Variants in PRKCE observed in about 807,000 individuals in gnomAD.
The protein encoded by PRKCE is protein kinase C epsilon.
In PRKCE, 16 loss-of-function variants were observed where a neutral mutation model predicts 85.4. That is an observed-to-expected ratio of 0.19 (90% CI 0.13 to 0.28). The LOEUF is 0.28. PRKCE is among the 10% of genes least tolerant of loss of function. PRKCE has a pLI of 1.00. For missense variants in PRKCE, 573 were observed against 975.2 expected, an observed-to-expected ratio of 0.59 and a Z score of 5.49; for synonymous variants, 388 against 371.5, an observed-to-expected ratio of 1.04 and a Z score of -0.51.
intron 10 of PRKCE, 157 bp downstream of exon 10, chr2:46,010,674 T>C (rs776265829): frequency 6.3e-7 from 1 of 1,598,726 alleles, no homozygotes; most frequent in Non-Finnish European, 8.5e-7. Context: ...AACAGCATCT[T>C]CTTTTTTAGG....
intron 1 of PRKCE, among the ~76,000 whole-genome samples, chr2:45,678,922 G>A (rs542270692): frequency 3.3e-4 from 50 of 152,230 alleles, no homozygotes; most frequent in Non-Finnish European, 5.9e-4. Flanking sequence ...AGGCCTAGAC[G>A]AGTGGAAGGT....
intron 1 of PRKCE, among the ~76,000 whole-genome samples, chr2:45,825,485 T>A (rs4953264): frequency 3.3e-5 from 5 of 152,092 alleles, no homozygotes; most frequent in African/African-American, 1.2e-4. Context: ...ATTAGTTCAG[T>A]TTTCCTACTT....
At chr2:46,109,672 C>T (rs922766998) in intron 11 of PRKCE, among the ~76,000 whole-genome samples, 2 of 152,056 alleles carry the variant, frequency 1.3e-5, no homozygotes, top group Non-Finnish European at 2.9e-5. Flanking sequence ...TTAATTCCTT[C>T]CTAATCTGCA....
intron 10 of PRKCE, among the ~76,000 whole-genome samples, chr2:46,061,104 CTTTTTT>C (rs565280374): frequency 4.8e-5 from 5 of 103,492 alleles, no homozygotes; most frequent in Non-Finnish European, 5.7e-5. Flanking sequence ...CTTTTTTTTC[CTTTTTT>C]TTTTTTTTTT....
At chr2:46,120,563 G>T (rs1673210445) in intron 11 of PRKCE, among the ~76,000 whole-genome samples, 1 of 152,154 alleles carries the variant, frequency 6.6e-6, no homozygotes, top group Non-Finnish European at 1.5e-5. Context: ...GATTTATACA[G>T]ATTTTGCCAT....
intron 11 of PRKCE, among the ~76,000 whole-genome samples, chr2:46,101,429 G>A (rs547811802): frequency 5.9e-5 from 9 of 152,210 alleles, no homozygotes; most frequent in Non-Finnish European, 1.3e-4. Flanking sequence ...AGAGGACATG[G>A]AAGAGTGGCC....
At chr2:46,121,328 C>A (rs1673292911) in intron 11 of PRKCE, among the ~76,000 whole-genome samples, 1 of 152,088 alleles carries the variant, frequency 6.6e-6, no homozygotes, top group Non-Finnish European at 1.5e-5. Context: ...TTGTTTATGG[C>A]CTCTTGGGGC....
At chr2:45,994,399 A>G (rs2104675100) in intron 6 of PRKCE, among the ~76,000 whole-genome samples, 1 of 152,332 alleles carries the variant, frequency 6.6e-6, no homozygotes, top group African/African-American at 2.4e-5. Flanking sequence ...AGTATCTTAC[A>G]GAATAGTTTT....
At chr2:46,045,677 G>A (rs1361612644) in intron 10 of PRKCE, among the ~76,000 whole-genome samples, 7 of 152,308 alleles carry the variant, frequency 4.6e-5, no homozygotes, top group South Asian at 4.1e-4. Context: ...TCAGGAGTTC[G>A]CAACCAGCCT....
intron 10 of PRKCE, among the ~76,000 whole-genome samples, chr2:46,042,704 C>T (rs1209146050): frequency 1.3e-5 from 2 of 152,208 alleles, no homozygotes; most frequent in Non-Finnish European, 2.9e-5. Context: ...GAGGCTTCTT[C>T]CATGTTACAA....
chr2:45,654,741 G>A (rs68115816), intron 1 of PRKCE, among the ~76,000 whole-genome samples: 2 of 152,104 alleles, frequency 1.3e-5, no homozygotes, highest in Non-Finnish European at 2.9e-5. Context: ...AGTGGAGCAG[G>A]TTCAGAATGC....
chr2:45,840,916 G>A (rs1691294467), intron 1 of PRKCE, among the ~76,000 whole-genome samples: 1 of 152,142 alleles, frequency 6.6e-6, no homozygotes, highest in Non-Finnish European at 1.5e-5. Flanking sequence ...TGTCATTTTA[G>A]TAGAGATGAC....
intron 1 of PRKCE, among the ~76,000 whole-genome samples, chr2:45,805,478 G>A (rs1688172487): frequency 6.6e-6 from 1 of 152,146 alleles, no homozygotes; most frequent in Admixed American, 6.5e-5. Context: ...GACTCTCTAG[G>A]CCATGACTCC....
At chr2:45,960,506 C>T (rs1025392415) in intron 2 of PRKCE, among the ~76,000 whole-genome samples, 1 of 152,084 alleles carries the variant, frequency 6.6e-6, no homozygotes, top group Admixed American at 6.5e-5. Flanking sequence ...ATAAGAAGCC[C>T]CCAACCTAGA....
chr2:46,058,770 A>G (rs1236287131), intron 10 of PRKCE, among the ~76,000 whole-genome samples: 1 of 152,210 alleles, frequency 6.6e-6, no homozygotes, highest in Middle Eastern at 3.2e-3. Context: ...AACACGGCTC[A>G]CTGCAGCCTC....
chr2:45,857,206 T>C (rs1692750055), intron 2 of PRKCE, among the ~76,000 whole-genome samples: 1 of 152,258 alleles, frequency 6.6e-6, no homozygotes. Flanking sequence ...TTGCACGTGA[T>C]GCTTTCTAAA....
At chr2:45,758,265 C>A (rs570382896) in intron 1 of PRKCE, among the ~76,000 whole-genome samples, 10 of 152,344 alleles carry the variant, frequency 6.6e-5, no homozygotes, top group Middle Eastern at 3.4e-3. Context: ...TGATGTTACA[C>A]TGAACATTAA....
chr2:45,817,452 G>T (rs1689156091), intron 1 of PRKCE, among the ~76,000 whole-genome samples: 1 of 152,090 alleles, frequency 6.6e-6, no homozygotes, highest in African/African-American at 2.4e-5. Flanking sequence ...CCATCACTTT[G>T]GGAGGCTGAG....
chr2:46,156,003 A>AT (rs200158030), intron 13 of PRKCE, among the ~76,000 whole-genome samples: 29 of 148,204 alleles, frequency 2.0e-4, no homozygotes, highest in African/African-American at 5.4e-4. Flanking sequence ...CTTAAAGTAT[A>AT]TAAAAAAAAA....
Sources: allele counts gnomAD v4.1 joint callset (sites outside exome capture counted in the v4.1 genomes callset), GRCh38; gene constraint gnomAD v4.1.1; transcripts MANE v1.5; gene names NCBI Gene and HGNC (gene_info 2026-07-23, HGNC 2026-07-21).